Variants in EYA3 observed in about 807,000 individuals in gnomAD.
EYA3 encodes the protein protein phosphatase EYA3.
Under a neutral mutation model 80.0 loss-of-function variants are expected in EYA3, and 39 were observed. The ratio of observed to expected loss-of-function variants is 0.49; its 90% CI spans 0.38 to 0.64. The LOEUF is 0.64. Ranked by LOEUF, EYA3 falls within the 30% of genes least tolerant of loss-of-function variation. The probability of loss-of-function intolerance (pLI) is 0.00; values close to 1 mark genes in which losing one functional copy is unlikely to be tolerated. For synonymous variants in EYA3, 206 were observed against 232.8 expected (o/e 0.88, Z 1.05); for missense variants, 523 against 676.1 (o/e 0.77, Z 2.51).
intron 1 of EYA3, among the ~76,000 whole-genome samples, chr1:28,060,861 A>C (rs991560344): frequency 6.6e-6 from 1 of 152,128 alleles, no homozygotes; most frequent in African/African-American, 2.4e-5. Context: ...TAAAAATACA[A>C]AAATTAGCTG....
At chr1:28,033,237 C>T (rs1395856943) in intron 6 of EYA3, among the ~76,000 whole-genome samples, 1 of 152,108 alleles carries the variant, frequency 6.6e-6, no homozygotes, top group East Asian at 1.9e-4. Context: ...TTTTCTCCTA[C>T]TTAATTTAAC....
rs181817673 is a variant in EYA3 at position 28,056,998 on chromosome 1, C to T, written c.33+996G>A. 1.1e-4 allele frequency among the ~76,000 whole-genome samples: 16 copies of T among 152,220 alleles called. No homozygotes were observed. The East Asian group carries it at 3.1e-3, about 29-fold the overall frequency. ...ATTTCCCTGATAATTAAAGTCCCACCAGGGATAGGGATCACACTTCAAATG... is the reference window on the plus strand; with the variant it reads ...ATTTCCCTGATAATTAAAGTCCCACTAGGGATAGGGATCACACTTCAAATG... On this transcript the variant is annotated intron_variant, in intron 2 of 17. Transcript: ENST00000373871.
chr1:28,053,178 A>C (rs1571905778), intron 2 of EYA3, among the ~76,000 whole-genome samples: 2 of 120,200 alleles, frequency 1.7e-5, no homozygotes, highest in African/African-American at 5.9e-5. Flanking sequence ...AAAAAAAAAA[A>C]CAGAAAAAGA....
At chr1:28,012,638 G>T (rs1641770780) in intron 9 of EYA3, among the ~76,000 whole-genome samples, 1 of 152,182 alleles carries the variant, frequency 6.6e-6, no homozygotes, top group Non-Finnish European at 1.5e-5. Flanking sequence ...CTTCAGAGCT[G>T]TGAGCATACT....
intron 1 of EYA3, among the ~76,000 whole-genome samples, chr1:28,075,614 G>A (rs1230618489): frequency 6.6e-6 from 1 of 152,186 alleles, no homozygotes; most frequent in African/African-American, 2.4e-5. Context: ...TGAGGAGCTA[G>A]AGGGAAAAGC....
At chr1:27,992,365 A>G (rs556936745) in intron 14 of EYA3, among the ~76,000 whole-genome samples, 3 of 152,312 alleles carry the variant, frequency 2.0e-5, no homozygotes, top group African/African-American at 7.2e-5. Context: ...GATCCCTTGC[A>G]TGTGCAGTTC....
chr1:28,015,973 G>C (rs1369807755), intron 8 of EYA3, among the ~76,000 whole-genome samples: 1 of 152,182 alleles, frequency 6.6e-6, no homozygotes, highest in Non-Finnish European at 1.5e-5. Flanking sequence ...TAGGGAAACA[G>C]CAAGACATTA....
chr1:27,998,315 C>T (rs1281069059), intron 12 of EYA3: 1 of 985,600 alleles, frequency 1.0e-6, no homozygotes, highest in Non-Finnish European at 1.2e-6. Context: ...AGGTCAAATT[C>T]TTCACAGAAC....
At position 28,011,021 on chromosome 1, in the gene EYA3, T is replaced by C. The variant is rs1348861815; in HGVS notation, c.835A>G (p.Arg279Gly). 3 of 1,614,124 alleles carry C rather than the reference T, an allele frequency of 1.9e-6. No individual in the cohort carries two copies. Among genetic ancestry groups the C allele is most frequent in the Non-Finnish European group, 2.5e-6 (3 of 1,180,000 alleles). The change falls in exon 10 of 18, where the codon AGG (arginine) becomes GGG (glycine). Residue 279 changes from arginine (R) to glycine (G), a missense_variant. Arg to Gly is a moderately radical substitution (Grantham distance 125, BLOSUM62 -2). Coordinates refer to ENST00000373871, the MANE Select transcript of EYA3 (RefSeq NM_001990.4). ...TPSKDTDDQS[R>G]KNMTSKNRGK... ...CGGTTCTTGCTAGTCATGTTTTTCC[T>C]GGACTGATCATCAGTATCTTTACTT...
intron 14 of EYA3, among the ~76,000 whole-genome samples, chr1:27,992,999 T>C (rs979450148): frequency 3.9e-5 from 6 of 152,164 alleles, no homozygotes; most frequent in Non-Finnish European, 8.8e-5. Flanking sequence ...GGACCTAGAT[T>C]TCTGTCCACG....
intron 3 of EYA3, among the ~76,000 whole-genome samples, chr1:28,047,107 C>T (rs1199682455): frequency 3.6e-4 from 55 of 151,402 alleles, no homozygotes; most frequent in Non-Finnish European, 1.6e-4. Flanking sequence ...CCTGGACCTC[C>T]AAAAGTGGAG....
chr1:28,085,040 C>G (rs1645600800), intron 1 of EYA3, among the ~76,000 whole-genome samples: 1 of 152,062 alleles, frequency 6.6e-6, no homozygotes, highest in African/African-American at 2.4e-5. Flanking sequence ...TATTTATAAT[C>G]AAAACAAAAT....
intron 7 of EYA3, among the ~76,000 whole-genome samples, chr1:28,026,490 C>T (rs1642794613): frequency 6.6e-6 from 1 of 152,056 alleles, no homozygotes; most frequent in South Asian, 2.1e-4. Context: ...TGGTGGTGTG[C>T]ACCTGCAGTC....
intron 5 of EYA3, among the ~76,000 whole-genome samples, chr1:28,037,482 T>A (rs1458513853): frequency 6.6e-6 from 1 of 152,238 alleles, no homozygotes; most frequent in Non-Finnish European, 1.5e-5. Flanking sequence ...TCAAGTCACA[T>A]GGGAATGATT....
Position 28,006,860 on chromosome 1 carries a change from T to C in EYA3, c.910-2441A>G, listed in dbSNP as rs1641312428. Among the ~76,000 whole-genome samples, 4 of 151,882 alleles carry C rather than the reference T, an allele frequency of 2.6e-5. No individual in the cohort carries two copies. The South Asian group carries it at 8.3e-4, about 32-fold the overall frequency. ...TACTGGAAGTTCTAGCCAGAGAGAT[T>C]TGGCAAGAAAGGGGAAAAAGACATC... On this transcript the variant is annotated intron_variant, in intron 10 of 17. Coordinates refer to ENST00000373871, the MANE Select transcript of EYA3 (RefSeq NM_001990.4).
intron 16 of EYA3, among the ~76,000 whole-genome samples, chr1:27,984,041 T>C (rs1639486915): frequency 6.6e-6 from 1 of 152,178 alleles, no homozygotes; most frequent in Non-Finnish European, 1.5e-5. Context: ...TGTTACCTTT[T>C]TTCAAGAGAC....
At chr1:28,006,320 C>T (rs1340165296) in intron 10 of EYA3, among the ~76,000 whole-genome samples, 1 of 152,126 alleles carries the variant, frequency 6.6e-6, no homozygotes, top group African/African-American at 2.4e-5. Context: ...CATTTGACAA[C>T]ATTCAACACC....
At position 27,993,450 on chromosome 1, in the gene EYA3, C is replaced by T. The variant is rs1436190770; in HGVS notation, c.1253G>A (p.Arg418His). ...ATAGATTTCTCTCACTTTCCGGTAGCGGAAAGCTAGTTTCCTCATCCAGTC... is the reference window on the plus strand; with the variant it reads ...ATAGATTTCTCTCACTTTCCGGTAGTGGAAAGCTAGTTTCCTCATCCAGTC... Reference protein sequence around the residue: ...GVDWMRKLAFRYRKVREIYDK... With the variant: ...GVDWMRKLAFHYRKVREIYDK... The change falls in exon 14 of 18, where the codon CGC (arginine) becomes CAC (histidine). Residue 418 changes from arginine (R) to histidine (H), a missense_variant. This residue lies in a region of EYA3 where 219 missense variants were observed against 332.8 expected (regional missense o/e 0.66). Coordinates refer to ENST00000373871, the MANE Select transcript of EYA3 (RefSeq NM_001990.4). 2.5e-6 allele frequency: 4 copies of T among 1,613,334 alleles called. No homozygotes were observed. Among genetic ancestry groups the T allele is most frequent in the Admixed American group, 3.3e-5 (2 of 59,790 alleles).
At chr1:28,063,070 T>C (rs1238377428) in intron 1 of EYA3, among the ~76,000 whole-genome samples, 2 of 149,662 alleles carry the variant, frequency 1.3e-5, no homozygotes, top group Non-Finnish European at 3.0e-5. Context: ...ACAAGGCATA[T>C]ATCACTCTTA....
Sources: allele counts gnomAD v4.1 joint callset (sites outside exome capture counted in the v4.1 genomes callset), GRCh38; gene constraint gnomAD v4.1.1; regional missense constraint gnomAD v4.1.1; transcripts MANE v1.5; gene names NCBI Gene and HGNC (gene_info 2026-07-23, HGNC 2026-07-21).